Variants in NEB observed in about 807,000 individuals in gnomAD.
The protein encoded by NEB is nebulin.
A neutral mutation model predicts 952.2 loss-of-function variants in NEB; 512 were observed. The ratio of observed to expected loss-of-function variants is 0.54; its 90% confidence interval spans 0.50 to 0.58. The LOEUF (loss-of-function observed/expected upper bound fraction) is 0.58. Ranked by LOEUF, NEB falls within the 20% of genes least tolerant of loss-of-function variation. NEB has a pLI of 0.00. For synonymous variants in NEB, 2,900 were observed against 3,149.8 expected (o/e 0.92, Z 2.66); for missense variants, 8,428 against 9,231.1 (o/e 0.91, Z 3.56).
chr2:151,634,071 C>A (rs2098714282), intron 64 of NEB, 106 bp from the exon 65 acceptor site: 1 of 1,270,748 alleles, frequency 7.9e-7, no homozygotes, highest in Non-Finnish European at 1.1e-6. Context: ...CTTTTGTTAA[C>A]AAGTACTAAC....
rs2097091408 is a variant in NEB at position 151,581,473 on chromosome 2, G to A, written c.16284+10C>T. The stretch of plus-strand genomic sequence containing the variant: ...GCACTGTGAAAAGCAAATGATGTGT[G>A]CTGTCTTACATTGCTGATCTGCAGG... On this transcript the variant is annotated intron_variant, in intron 103 of 181. Coordinates refer to ENST00000397345, the MANE Select transcript of NEB (RefSeq NM_001164508.2). The A allele has an allele frequency of 4.0e-6, 3 of 746,046 alleles. No homozygotes were observed. The highest frequency in any genetic ancestry group is 2.5e-5 in the African/African-American group (1 of 39,778). The allele number at this position is 746,046 out of a possible 1,614,324, so 46.2% of individuals were successfully genotyped here.
chr2:151,519,684 T>C lies in NEB; in HGVS notation c.22564A>G (p.Lys7522Glu). The C allele has an allele frequency of 6.2e-7, 1 of 1,612,292 alleles. No homozygotes were observed. The highest frequency in any genetic ancestry group is 8.5e-7 in the Non-Finnish European group (1 of 1,178,562). ...PKDSQLYKVM[K>E]DANNLASEVK... ...TCACTTGCAAGATTATTAGCATCTT[T>C]CATGACTTTGTAGAGCTGGCTGTCT... The change falls in exon 154 of 182, where the codon AAA becomes GAA. Residue 7522 changes from lysine (K) to glutamate (E), a missense_variant. This residue lies in a region of NEB where 3,374 missense variants were observed against 3,651.5 expected (regional missense o/e 0.92). Transcript: ENST00000397345.
intron 131 of NEB, among the ~76,000 whole-genome samples, chr2:151,548,047 T>C (rs1416818131): frequency 6.6e-6 from 1 of 152,178 alleles, no homozygotes; most frequent in African/African-American, 2.4e-5. Flanking sequence ...GATTTTTGAA[T>C]ATAAATGTCA....
chr2:151,503,145 T>G, intron 166 of NEB: 1 of 593,266 alleles, frequency 1.7e-6, no homozygotes, highest in Non-Finnish European at 3.0e-6. Context: ...GTATTTCAAA[T>G]CTAGTCAAGT....
At chr2:151,617,953 G>A (rs2098259607) in intron 74 of NEB, among the ~76,000 whole-genome samples, 1 of 152,114 alleles carries the variant, frequency 6.6e-6, no homozygotes, top group Non-Finnish European at 1.5e-5. Flanking sequence ...CCAGCTACTT[G>A]GGAGGCTGAG....
chr2:151,626,114 C>CTTT (rs745887781), intron 70 of NEB, among the ~76,000 whole-genome samples: 1 of 138,888 alleles, frequency 7.2e-6, no homozygotes, highest in Non-Finnish European at 1.6e-5. Context: ...TTGCATCTTT[C>CTTT]TTTTTTTTTT....
chr2:151,523,810 T>C (rs972404555), intron 153 of NEB, among the ~76,000 whole-genome samples: 4 of 152,194 alleles, frequency 2.6e-5, no homozygotes, highest in African/African-American at 9.7e-5. Context: ...TTTAATGATT[T>C]ATCCATGGAC....
At chr2:151,689,967 G>A (rs1197820145) in intron 24 of NEB, 1 of 152,160 alleles carries the variant, frequency 6.6e-6, no homozygotes, top group African/African-American at 2.4e-5. Context: ...TACCTATCTT[G>A]AGAAGGATGT....
At chr2:151,560,483 G>T in intron 124 of NEB, 109 bp downstream of exon 124, 1 of 845,108 alleles carries the variant, frequency 1.2e-6, no homozygotes, top group Non-Finnish European at 1.9e-6. Context: ...CCACGGGAGT[G>T]CTAGGGGTAC....
At chr2:151,631,712 G>A (rs1011285278) in intron 65 of NEB, among the ~76,000 whole-genome samples, 3 of 152,134 alleles carry the variant, frequency 2.0e-5, no homozygotes, top group African/African-American at 4.8e-5. Flanking sequence ...ATTTTAGGCC[G>A]AGGCAAATGG....
Position 151,688,389 on chromosome 2 carries a change from T to C in NEB, c.2318A>G (p.Tyr773Cys), listed in dbSNP as rs77151072. 3,118 of 1,613,216 alleles carry C rather than the reference T, an allele frequency of 1.9e-3. 77 individuals carry two copies. In the East Asian group the frequency reaches 0.055, roughly 28 times the overall value. Reference protein sequence around the residue: ...LNTKQLSDLNYKAKHEGEKFK... With the variant: ...LNTKQLSDLNCKAKHEGEKFK... ...CTTCTCACCTTCATGTTTTGCTTTG[T>C]AATTCAGCTGAAAAACAAAGGATAT... Residue 773 changes from tyrosine to cysteine, a missense_variant, in exon 25 of 182, where the codon TAC becomes TGC. This residue lies in a region of NEB where 2,851 missense variants were observed against 2,791.5 expected (regional missense o/e 1.02). Transcript: ENST00000397345.
chr2:151,714,983 G>A (rs932879885), intron 10 of NEB, among the ~76,000 whole-genome samples: 5 of 152,194 alleles, frequency 3.3e-5, no homozygotes, highest in Non-Finnish European at 5.9e-5. Flanking sequence ...ATGCACAATA[G>A]TCATTAAGAA....
chr2:151,568,218 T>A (rs747108920), intron 112 of NEB, 40 bp from the exon 113 acceptor site: 225 of 1,596,864 alleles, frequency 1.4e-4, no homozygotes, highest in Non-Finnish European at 1.9e-4. Context: ...AAATGAGGAG[T>A]CAGAAGGGAG....
chr2:151,557,802 T>C (rs957906778), intron 124 of NEB, among the ~76,000 whole-genome samples: 5 of 152,174 alleles, frequency 3.3e-5, no homozygotes, highest in Non-Finnish European at 7.3e-5. Flanking sequence ...GAAAAGGCAT[T>C]TGACAAAATT....
intron 159 of NEB, among the ~76,000 whole-genome samples, chr2:151,514,052 C>G (rs1198180393): frequency 2.6e-5 from 4 of 151,948 alleles, no homozygotes; most frequent in African/African-American, 9.7e-5. Context: ...TGTAGATGAG[C>G]ACACCAAATA....
intron 64 of NEB, among the ~76,000 whole-genome samples, chr2:151,635,040 G>A (rs2098730842): frequency 6.6e-6 from 1 of 152,146 alleles, no homozygotes; most frequent in Non-Finnish European, 1.5e-5. Flanking sequence ...GAATGAGATT[G>A]TTCAGAGTCC....
intron 179 of NEB, 75 bp downstream of exon 179, chr2:151,491,608 G>T (rs527256438): frequency 4.5e-5 from 56 of 1,248,894 alleles, no homozygotes; most frequent in Middle Eastern, 1.9e-4. Flanking sequence ...GAACTTCAGA[G>T]CCCAAATGAA....
rs1479388254 is a variant in NEB, at chr2:151,498,361, T to TGAG, written c.24115-12_24115-10dup. ...TTTTCTTTGTATAGCACCTGTATGA[T>TGAG]GAGAAAGCATCCAGAACAAAAAAAG... On this transcript the variant is annotated splice_polypyrimidine_tract_variant and intron_variant, in intron 169 of 181. Coordinates refer to ENST00000397345, the MANE Select transcript of NEB (RefSeq NM_001164508.2). The TGAG allele has an allele frequency of 1.3e-6, 2 of 1,533,120 alleles. No homozygotes were observed. Among genetic ancestry groups the TGAG allele is most frequent in the Middle Eastern group, 3.4e-4 (2 of 5,948 alleles). The allele number at this position is 1,533,120 out of a possible 1,614,324, so 95.0% of individuals were successfully genotyped here.
intron 34 of NEB, 102 bp from the exon 35 acceptor site, chr2:151,675,493 A>G (rs2099352387): frequency 1.4e-6 from 1 of 733,522 alleles, no homozygotes; most frequent in Non-Finnish European, 2.2e-6. Context: ...TTCTAGTGTT[A>G]AAAATCATCA....
Sources: gnomAD v4.1 joint callset for allele counts (sites outside exome capture counted in the v4.1 genomes callset) on GRCh38, gnomAD v4.1.1 for gene constraint, gnomAD v4.1.1 regional missense constraint, MANE v1.5 for transcripts, NCBI Gene and HGNC (gene_info 2026-07-23, HGNC 2026-07-21) for gene names.